The following AOPEP variants were observed in gnomAD, a reference collection of about 807,000 sequenced individuals.
The protein encoded by AOPEP is aminopeptidase O.
In AOPEP, 77 loss-of-function variants were observed where a neutral mutation model predicts 98.1. The ratio of observed to expected loss-of-function variants is 0.78; its 90% CI spans 0.65 to 0.95. The LOEUF (loss-of-function observed/expected upper bound fraction) is 0.95, where lower values mean the gene tolerates loss of function less well. AOPEP is among the 40% of genes least tolerant of loss of function. The pLI, the probability that AOPEP is intolerant of heterozygous loss-of-function variation, is 0.00. For missense variants in AOPEP, 1,024 were observed against 1,024.7 expected (o/e 1.00, Z 0.01); for synonymous variants, 346 against 365.3 (o/e 0.95, Z 0.60).
At chr9:94,899,321 A>T (rs1018668790) in intron 5 of AOPEP, among the ~76,000 whole-genome samples, 1 of 144,882 alleles carries the variant, frequency 6.9e-6, no homozygotes, top group Non-Finnish European at 1.5e-5. Flanking sequence ...AGTAGCTGGG[A>T]CTATAGGCGC....
Position 95,072,357 on chromosome 9 carries a change from G to A in AOPEP, c.2233-8337G>A, listed in dbSNP as rs527517215. On this transcript the variant is annotated intron_variant, in intron 14 of 16. Transcript: ENST00000375315. ...AGGAATCTGGTTCTGGACACATGAA[G>A]ATATCTTGGGTTAAAAAGAGATTAG... is the stretch of plus-strand genomic sequence containing the variant. 7.9e-5 allele frequency among the ~76,000 whole-genome samples: 12 copies of A among 152,334 alleles called. No individual in the cohort carries two copies. In the East Asian group the frequency reaches 2.1e-3, roughly 27 times the overall value.
At chr9:94,837,411 C>G (rs1378898253) in intron 5 of AOPEP, among the ~76,000 whole-genome samples, 1 of 152,100 alleles carries the variant, frequency 6.6e-6, no homozygotes, top group African/African-American at 2.4e-5. Flanking sequence ...TCTATGAAGC[C>G]AGTATCACCC....
chr9:94,976,482 C>T (rs184611033), intron 10 of AOPEP, among the ~76,000 whole-genome samples: 12 of 152,262 alleles, frequency 7.9e-5, no homozygotes, highest in Admixed American at 2.6e-4. Context: ...AGTCGCTCCT[C>T]GGACTTCTCT....
intron 13 of AOPEP, among the ~76,000 whole-genome samples, chr9:95,023,178 C>T (rs1012201818): frequency 2.6e-5 from 4 of 152,188 alleles, no homozygotes; most frequent in Non-Finnish European, 5.9e-5. Context: ...GGGGAATGGG[C>T]TTTTCCAGTA....
chr9:94,798,896 G>A (rs577142954), intron 4 of AOPEP, among the ~76,000 whole-genome samples: 27 of 152,292 alleles, frequency 1.8e-4, no homozygotes, highest in Middle Eastern at 3.4e-3. Context: ...TCACCAACAG[G>A]CACCTTGACT....
chr9:94,978,979 C>T (rs576405192), intron 10 of AOPEP, among the ~76,000 whole-genome samples: 13 of 152,064 alleles, frequency 8.5e-5, no homozygotes, highest in East Asian at 1.9e-4. Flanking sequence ...TTCGTGTTGA[C>T]GCACTCAATG....
intron 11 of AOPEP, among the ~76,000 whole-genome samples, chr9:94,996,027 G>C (rs1027238180): frequency 1.3e-5 from 2 of 152,202 alleles, no homozygotes; most frequent in Non-Finnish European, 2.9e-5. Flanking sequence ...CCACATGCAG[G>C]GGGTGGAAGC....
chr9:94,917,968 A>G (rs1022121474), intron 5 of AOPEP, among the ~76,000 whole-genome samples: 6 of 151,522 alleles, frequency 4.0e-5, no homozygotes, highest in Non-Finnish European at 8.8e-5. Context: ...TCATCTTTTT[A>G]TCGGTTTCCC....
At chr9:94,967,401 G>A (rs2059271986) in intron 9 of AOPEP, among the ~76,000 whole-genome samples, 1 of 152,172 alleles carries the variant, frequency 6.6e-6, no homozygotes, top group South Asian at 2.1e-4. Context: ...GGAATCTCTA[G>A]GGAAGGTTCA....
chr9:94,930,200 G>A lies in AOPEP; in HGVS notation c.1661+1669G>A, dbSNP rs1189361563. 6.6e-6 allele frequency among the ~76,000 whole-genome samples: 1 copy of A among 152,220 alleles called. No individual in the cohort carries two copies. The highest frequency in any genetic ancestry group is 1.9e-4 in the East Asian group (1 of 5,198). ...GGAGTGCCTGTGACAGATGCAAGACGCAGACCTATTTGAAATGTGTTTTGG... is the reference window on the plus strand; with the variant it reads ...GGAGTGCCTGTGACAGATGCAAGACACAGACCTATTTGAAATGTGTTTTGG... On this transcript the variant is annotated intron_variant, in intron 7 of 16. Coordinates refer to ENST00000375315, the MANE Select transcript of AOPEP (RefSeq NM_001193329.3). The surrounding 1 kb of genome is among the most constrained non-coding windows in gnomAD (Gnocchi z 4.5).
At chr9:94,792,640 AC>A in intron 3 of AOPEP, 124 bp from the exon 4 acceptor site, 4 of 891,820 alleles carry the variant, frequency 4.5e-6, no homozygotes, top group Non-Finnish European at 4.9e-6. Context: ...GACGTGACCG[AC>A]CTCCAAGAGT....
intron 5 of AOPEP, among the ~76,000 whole-genome samples, chr9:94,818,489 C>A (rs1852195044): frequency 6.6e-6 from 1 of 152,140 alleles, no homozygotes; most frequent in African/African-American, 2.4e-5. Flanking sequence ...TTACATTGTA[C>A]ACATTGGAAT....
chr9:94,779,920 A>T (rs1474564180), intron 3 of AOPEP, among the ~76,000 whole-genome samples: 4 of 152,088 alleles, frequency 2.6e-5, no homozygotes, highest in Non-Finnish European at 4.4e-5. Context: ...CATCATCCTT[A>T]TGTTCTTTTC....
At chr9:95,091,487 C>G (rs182187174), downstream of AOPEP, among the ~76,000 whole-genome samples, 2 of 152,300 alleles carry the variant, frequency 1.3e-5, no homozygotes, top group East Asian at 3.9e-4. Context: ...GTGCAGGGCC[C>G]AGCCATGACA....
chr9:95,104,457 C>T, the AOPEP span, among the ~76,000 whole-genome samples: 1 of 152,104 alleles, frequency 6.6e-6, no homozygotes, highest in African/African-American at 2.4e-5. Context: ...CCTCTGTGCT[C>T]CTGAGGGTTC....
At chr9:94,931,802 C>T (rs1412547635) in intron 7 of AOPEP, 65 of 1,547,520 alleles carry the variant, frequency 4.2e-5, no homozygotes, top group Non-Finnish European at 5.1e-5. Context: ...GTCCTAAAAA[C>T]GCTTTCTTCT....
chr9:94,937,369 C>T (rs2056429274), intron 7 of AOPEP, among the ~76,000 whole-genome samples: 1 of 152,214 alleles, frequency 6.6e-6, no homozygotes, highest in African/African-American at 2.4e-5. Context: ...TGTGCATGTC[C>T]CTCGTGTCCC....
At chr9:95,040,419 A>G (rs2065186523) in intron 13 of AOPEP, among the ~76,000 whole-genome samples, 1 of 152,252 alleles carries the variant, frequency 6.6e-6, no homozygotes, top group Admixed American at 6.5e-5. Context: ...GATCAGACAC[A>G]AAGCCAAGTT....
intron 11 of AOPEP, among the ~76,000 whole-genome samples, chr9:94,990,746 G>A (rs1248644028): frequency 2.0e-5 from 3 of 151,968 alleles, no homozygotes; most frequent in Non-Finnish European, 2.9e-5. Context: ...TCCTGCCTCA[G>A]CCTCCCAAGT....
Sources: allele counts gnomAD v4.1 joint callset (sites outside exome capture counted in the v4.1 genomes callset), GRCh38; gene constraint gnomAD v4.1.1; non-coding constraint Gnocchi (gnomAD v3.1); transcripts MANE v1.5; gene names NCBI Gene and HGNC (gene_info 2026-07-23, HGNC 2026-07-21).